DLC1: variants seen among roughly 807,000 people sequenced by gnomAD.
DLC1 encodes the protein rho GTPase-activating protein 7.
DLC1 carries 54 observed loss-of-function variants against 140.3 expected under a neutral mutation model. That is an observed-to-expected ratio of 0.38 (90% confidence interval 0.31 to 0.48). The LOEUF (loss-of-function observed/expected upper bound fraction) is 0.48. Among genes scored for constraint, DLC1 ranks in the 20% least tolerant of loss-of-function variants. DLC1 has a pLI of 0.96. For missense variants in DLC1, 2,536 were observed against 1,907.0 expected, an observed-to-expected ratio of 1.33 and a Z score of -6.14; for synonymous variants, 986 against 728.1, an observed-to-expected ratio of 1.35 and a Z score of -5.70.
At chr8:13,252,323 T>C (rs758386357) in intron 5 of DLC1, among the ~76,000 whole-genome samples, 2 of 152,102 alleles carry the variant, frequency 1.3e-5, no homozygotes, top group Non-Finnish European at 2.9e-5. Flanking sequence ...TGAGCAGCAT[T>C]AGATATAACT....
At chr8:13,519,180 T>C (rs1254002608), upstream of DLC1, among the ~76,000 whole-genome samples, 1 of 133,850 alleles carries the variant, frequency 7.5e-6, no homozygotes, top group East Asian at 2.6e-4. Flanking sequence ...CAGGATGGAG[T>C]GCAGTGGCGC....
chr8:13,559,967 A>G (rs984020203), intron 1 of DLC1, among the ~76,000 whole-genome samples: 12 of 152,236 alleles, frequency 7.9e-5, no homozygotes, highest in East Asian at 1.9e-4. Context: ...GAACTACAAT[A>G]AAACAAATGT....
intron 1 of DLC1, among the ~76,000 whole-genome samples, chr8:13,574,136 T>TA (rs1252973264): frequency 1.3e-5 from 2 of 152,180 alleles, no homozygotes; most frequent in Non-Finnish European, 2.9e-5. Flanking sequence ...ATTTTACTCT[T>TA]ACCTCTCCAG....
intron 5 of DLC1, among the ~76,000 whole-genome samples, chr8:13,210,354 G>A (rs954972656): frequency 4.5e-4 from 69 of 152,140 alleles, no homozygotes; most frequent in African/African-American, 1.6e-3. Flanking sequence ...AAAGATCACA[G>A]CACTGAATGA....
At chr8:13,463,576 AT>A (rs1799777064) in intron 2 of DLC1, among the ~76,000 whole-genome samples, 1 of 152,182 alleles carries the variant, frequency 6.6e-6, no homozygotes, top group Non-Finnish European at 1.5e-5. Context: ...AATGTAGTGA[AT>A]TTGGTAAAGA....
At chr8:13,460,444 T>C (rs1799607939) in intron 2 of DLC1, among the ~76,000 whole-genome samples, 1 of 152,236 alleles carries the variant, frequency 6.6e-6, no homozygotes, top group African/African-American at 2.4e-5. Context: ...AAAAGATATT[T>C]AGACCTGATT....
At chr8:13,281,234 T>C (rs1324982231) in intron 5 of DLC1, among the ~76,000 whole-genome samples, 1 of 152,252 alleles carries the variant, frequency 6.6e-6, no homozygotes, top group Non-Finnish European at 1.5e-5. Context: ...AATCTGCTTC[T>C]ACATTTGGAA....
At chr8:13,272,031 G>A (rs893949490) in intron 5 of DLC1, among the ~76,000 whole-genome samples, 3 of 152,200 alleles carry the variant, frequency 2.0e-5, no homozygotes, top group Non-Finnish European at 2.9e-5. Context: ...TCAGGTGGAG[G>A]CATTTAGACT....
intron 1 of DLC1, among the ~76,000 whole-genome samples, chr8:13,543,850 G>C (rs1344584136): frequency 6.6e-6 from 1 of 151,910 alleles, no homozygotes; most frequent in Admixed American, 6.6e-5. Flanking sequence ...AAGAGGGGAG[G>C]GCGAGTGGGA....
intron 5 of DLC1, among the ~76,000 whole-genome samples, chr8:13,287,676 C>G (rs968350544): frequency 6.6e-6 from 1 of 152,134 alleles, no homozygotes; most frequent in African/African-American, 2.4e-5. Flanking sequence ...CCCAAGGGAA[C>G]AGAGGTATTT....
intron 5 of DLC1, among the ~76,000 whole-genome samples, chr8:13,136,387 A>T (rs935960298): frequency 6.6e-6 from 1 of 151,976 alleles, no homozygotes; most frequent in Admixed American, 6.6e-5. Flanking sequence ...CTTTATGTCC[A>T]TGAGTACTCA....
intron 4 of DLC1, among the ~76,000 whole-genome samples, chr8:13,347,370 C>A (rs1008969993): frequency 5.3e-5 from 8 of 152,074 alleles, no homozygotes; most frequent in Admixed American, 3.9e-4. Flanking sequence ...CACAGAGAGC[C>A]CTAAACATAT....
chr8:13,150,587 C>T (rs1823733048), intron 5 of DLC1, among the ~76,000 whole-genome samples: 1 of 152,332 alleles, frequency 6.6e-6, no homozygotes. Context: ...TAGACAGAAG[C>T]ATGACATATT....
intron 2 of DLC1, among the ~76,000 whole-genome samples, chr8:13,432,328 T>C (rs1209687180): frequency 1.3e-5 from 2 of 152,256 alleles, no homozygotes; most frequent in African/African-American, 2.4e-5. Context: ...GTGATCTAAT[T>C]TGAGAGCAAA....
intron 1 of DLC1, among the ~76,000 whole-genome samples, chr8:13,545,985 A>G (rs966194744): frequency 6.6e-6 from 1 of 152,132 alleles, no homozygotes; most frequent in Non-Finnish European, 1.5e-5. Flanking sequence ...ATAATTCACA[A>G]GTTATTAGAT....
intron 5 of DLC1, among the ~76,000 whole-genome samples, chr8:13,125,208 C>G (rs556560544): frequency 6.6e-6 from 1 of 152,296 alleles, no homozygotes; most frequent in East Asian, 1.9e-4. Flanking sequence ...AACTCCTGAC[C>G]TCAAGTGAGC....
intron 2 of DLC1, among the ~76,000 whole-genome samples, chr8:13,469,703 A>C (rs1047222445): frequency 1.3e-5 from 2 of 152,198 alleles, no homozygotes; most frequent in African/African-American, 4.8e-5. Context: ...AAATGATTGA[A>C]AGATATTATT....
intron 3 of DLC1, among the ~76,000 whole-genome samples, chr8:13,401,010 T>G (rs1225427452): frequency 6.6e-6 from 1 of 152,166 alleles, no homozygotes; most frequent in Admixed American, 6.6e-5. Flanking sequence ...TCATCTAAAT[T>G]GTTTCTTGTA....
chr8:13,198,270 C>G (rs754284493), intron 5 of DLC1, among the ~76,000 whole-genome samples: 1 of 152,136 alleles, frequency 6.6e-6, no homozygotes, highest in Non-Finnish European at 1.5e-5. Context: ...AGAGGACAGT[C>G]ATTTCCCAAA....
Sources: gnomAD v4.1 joint callset for allele counts (sites outside exome capture counted in the v4.1 genomes callset) on GRCh38, gnomAD v4.1.1 for gene constraint, MANE v1.5 for transcripts, NCBI Gene and HGNC (gene_info 2026-07-23, HGNC 2026-07-21) for gene names.